Variants in RBBP5 observed in about 807,000 individuals in gnomAD.
The protein encoded by RBBP5 is RB binding protein 5, histone lysine methyltransferase complex subunit.
In RBBP5, 5 loss-of-function variants were observed where a neutral mutation model predicts 72.2. The ratio of observed to expected loss-of-function variants is 0.07; its 90% CI spans 0.04 to 0.15. The LOEUF is 0.15. RBBP5 is among the 10% of genes least tolerant of loss of function. The pLI is 1.00. For missense variants in RBBP5, 322 were observed against 652.2 expected (o/e 0.49, Z 5.51); for synonymous variants, 209 against 237.2 (o/e 0.88, Z 1.09).
chr1:205,101,451 G>A (rs371675385), intron 6 of RBBP5, 149 bp downstream of exon 6: 30 of 536,358 alleles, frequency 5.6e-5, no homozygotes, highest in South Asian at 2.6e-4. Flanking sequence ...TTATGAACTC[G>A]AAAACCAGAT....
At chr1:205,104,146 A>C in intron 4 of RBBP5, 127 bp from the exon 5 acceptor site, 1 of 955,020 alleles carries the variant, frequency 1.0e-6, no homozygotes, top group South Asian at 2.1e-5. Flanking sequence ...TGAAACAGTG[A>C]AAAAGCATAA....
intron 3 of RBBP5, among the ~76,000 whole-genome samples, chr1:205,113,529 C>T (rs921488751): frequency 5.3e-5 from 8 of 151,002 alleles, no homozygotes; most frequent in African/African-American, 1.7e-4. Context: ...CCTCCCAAAG[C>T]GCTGGGATTA....
At chr1:205,121,021 T>TA (rs748761761) in intron 1 of RBBP5, among the ~76,000 whole-genome samples, 2 of 152,216 alleles carry the variant, frequency 1.3e-5, no homozygotes, top group Non-Finnish European at 2.9e-5. Context: ...GACCATTTTT[T>TA]ATGTATCTTT....
At chr1:205,089,212 G>T (rs958513474) in intron 13 of RBBP5, among the ~76,000 whole-genome samples, 1 of 152,168 alleles carries the variant, frequency 6.6e-6, no homozygotes, top group African/African-American at 2.4e-5. Context: ...TTTAAAGATT[G>T]ATTAGTCACT....
chr1:205,105,136 G>A lies in RBBP5; in HGVS notation c.251C>T (p.Ala84Val). The A allele has an allele frequency of 6.2e-7, 1 of 1,613,334 alleles. No homozygotes were observed. Among genetic ancestry groups the A allele is most frequent in the Non-Finnish European group, 8.5e-7 (1 of 1,179,846 alleles). The change falls in exon 4 of 14, where the codon GCT becomes GTT. Residue 84 changes from alanine to valine, a missense_variant. Transcript: ENST00000264515. ...WSRDGHKLVSASTDNIVSQWD... is the reference protein window; with the variant it reads ...WSRDGHKLVSVSTDNIVSQWD... ...CTGTGACACTATGTTATCAGTGGAA[G>A]CACTCACGAGTTTATGACCATCTCG...
At position 205,094,781 on chromosome 1, in the gene RBBP5, AG is replaced by A. The variant is rs1655546392; in HGVS notation, c.1588+91del. On this transcript the variant is annotated intron_variant, in intron 13 of 13. Coordinates refer to ENST00000264515, the MANE Select transcript of RBBP5 (RefSeq NM_005057.4). ...GCTGCTGGGAAAAACGAGGGAAGAGAGGGGGAAAAAATGTTGCAGTTAAATG... is the reference window on the plus strand; with the variant it reads ...GCTGCTGGGAAAAACGAGGGAAGAGAGGGGAAAAAATGTTGCAGTTAAATG... 9 of 1,322,860 alleles carry A rather than the reference AG, an allele frequency of 6.8e-6. No individual in the cohort carries two copies. In the South Asian group the frequency reaches 9.2e-5, roughly 13 times the overall value. 81.9% of individuals were successfully genotyped at this position (1,322,860 alleles called of 1,614,324 possible).
At chr1:205,101,894 C>CTTT (rs10562809) in intron 5 of RBBP5, among the ~76,000 whole-genome samples, 185 bp from the exon 6 acceptor site, 1 of 119,744 alleles carries the variant, frequency 8.4e-6, no homozygotes, top group African/African-American at 3.0e-5. Flanking sequence ...TTAATCTAGT[C>CTTT]TTTTTTTTTT....
rs746828962 is a variant in RBBP5, at chr1:205,100,275, C to T, written c.633-4G>A. ...TGCCGTGTTAATTAAAAAGCAACTA[C>T]GGGAAGGATAAAAATATCAACACCA... On this transcript the variant is annotated splice_region_variant and splice_polypyrimidine_tract_variant and intron_variant, in intron 6 of 13. Transcript: ENST00000264515. The T allele has an allele frequency of 2.3e-5, 37 of 1,613,064 alleles. 1 individual carries two copies. The highest frequency in any genetic ancestry group is 2.3e-4 in the African/African-American group (17 of 74,888).
At chr1:205,118,671 G>A (rs1656623103) in intron 1 of RBBP5, among the ~76,000 whole-genome samples, 1 of 152,046 alleles carries the variant, frequency 6.6e-6, no homozygotes, top group Non-Finnish European at 1.5e-5. Flanking sequence ...AGAGAACACT[G>A]AACATAACAA....
intron 13 of RBBP5, among the ~76,000 whole-genome samples, chr1:205,093,527 TATATATACAC>T (rs1242435206): frequency 6.1e-4 from 6 of 9,814 alleles, no homozygotes; most frequent in African/African-American, 3.2e-3. Context: ...TATATATATA[TATATATACAC>T]ACACACACAC....
intron 4 of RBBP5, among the ~76,000 whole-genome samples, chr1:205,104,321 G>A (rs1175952135): frequency 2.0e-5 from 3 of 150,826 alleles, no homozygotes; most frequent in East Asian, 2.0e-4. Flanking sequence ...TCAGGAGTTC[G>A]AGACCAGCCT....
In RBBP5 at chr1:205,099,618, T is replaced by G; in HGVS notation, c.978+123A>C. On this transcript the variant is annotated intron_variant, in intron 9 of 13. Coordinates refer to ENST00000264515, the MANE Select transcript of RBBP5 (RefSeq NM_005057.4). This position sits in a 1 kb window ranked among gnomAD's most constrained non-coding sequence, Gnocchi z 4.7. ...AACTAGATGCACTGAACCTATGTAA[T>G]TTAGGTTGCGAGAATCATATGCAAA... 1.9e-6 allele frequency: 2 copies of G among 1,050,514 alleles called. No homozygotes were observed. The highest frequency in any genetic ancestry group is 2.8e-6 in the Non-Finnish European group (2 of 721,220). 65.1% of individuals were successfully genotyped at this position (1,050,514 alleles called of 1,614,324 possible).
In RBBP5 at chr1:205,095,237, T is replaced by G. The variant is rs189035233; in HGVS notation, c.1397-173A>C. Among the ~76,000 whole-genome samples, 190 of 152,306 alleles carry G rather than the reference T, an allele frequency of 1.2e-3. 2 individuals carry two copies. Among genetic ancestry groups the G allele is most frequent in the Admixed American group, 4.5e-3 (69 of 15,284 alleles). On this transcript the variant is annotated intron_variant, in intron 12 of 13. Transcript: ENST00000264515. ...AAAACAGTGGTCATTAAATGAGAGA[T>G]AGTTCCTTGGCCAAAAGGCACACAT...
chr1:205,102,767 G>A (rs796986927), intron 5 of RBBP5, among the ~76,000 whole-genome samples: 4 of 152,310 alleles, frequency 2.6e-5, no homozygotes, highest in South Asian at 2.1e-4. Flanking sequence ...GCTGAAGCAA[G>A]TGGATCACCT....
Position 205,099,868 on chromosome 1 carries a change from T to C in RBBP5, c.906+43A>G, listed in dbSNP as rs367840789. The C allele has an allele frequency of 1.1e-3, 1,801 of 1,613,538 alleles. No individual in the cohort carries two copies. Among genetic ancestry groups the C allele is most frequent in the Non-Finnish European group, 1.4e-3 (1,703 of 1,179,682 alleles). ...TTGTTAAGAACAGATTTTAGATTTT[T>C]TGGATTATGTGACTAACAAAAGCAA... On this transcript the variant is annotated intron_variant, in intron 8 of 13. Transcript: ENST00000264515. This position sits in a 1 kb window ranked among gnomAD's most constrained non-coding sequence, Gnocchi z 4.7.
intron 3 of RBBP5, among the ~76,000 whole-genome samples, chr1:205,109,544 A>C (rs184693186): frequency 6.9e-6 from 1 of 144,370 alleles, no homozygotes; most frequent in Admixed American, 7.2e-5. Flanking sequence ...TTTTCCCTCT[A>C]AACTCTTCTG....
intron 1 of RBBP5, among the ~76,000 whole-genome samples, chr1:205,119,681 T>C (rs1250691037): frequency 1.3e-5 from 2 of 152,198 alleles, no homozygotes; most frequent in Non-Finnish European, 2.9e-5. Flanking sequence ...ACTCAACTGC[T>C]CTGATTGGCT....
chr1:205,094,854 G>C lies in RBBP5; in HGVS notation c.1588+19C>G, dbSNP rs1209361184. On this transcript the variant is annotated intron_variant, in intron 13 of 13. Coordinates refer to ENST00000264515, the MANE Select transcript of RBBP5 (RefSeq NM_005057.4). ...AAGGCCACGAAGCAAGCCAGACAAT[G>C]CTCCCAATGTGTCCTTACCTGTCAA... The C allele has an allele frequency of 1.3e-6, 2 of 1,596,366 alleles. No individual in the cohort carries two copies. The highest frequency in any genetic ancestry group is 1.3e-5 in the African/African-American group (1 of 74,372).
At chr1:205,108,613 T>C (rs1656176096) in intron 3 of RBBP5, among the ~76,000 whole-genome samples, 1 of 151,886 alleles carries the variant, frequency 6.6e-6, no homozygotes, top group South Asian at 2.1e-4. Flanking sequence ...AAAAAACAAA[T>C]GGAACAAGTA....
Sources: allele counts gnomAD v4.1 joint callset (sites outside exome capture counted in the v4.1 genomes callset), GRCh38; gene constraint gnomAD v4.1.1; non-coding constraint Gnocchi (gnomAD v3.1); transcripts MANE v1.5; gene names NCBI Gene and HGNC (gene_info 2026-07-23, HGNC 2026-07-21).